The following KLHL18 variants were observed in gnomAD, a reference collection of about 807,000 sequenced individuals.
KLHL18 encodes kelch like family member 18, also known as kelch-like protein 18.
A neutral mutation model predicts 58.5 loss-of-function variants in KLHL18; 38 were observed. The observed-to-expected ratio is 0.65, with a 90% CI of 0.50 to 0.85. The LOEUF is 0.85. KLHL18 is among the 40% of genes least tolerant of loss of function. The pLI is 0.00. For synonymous variants in KLHL18, 303 were observed against 301.9 expected, an observed-to-expected ratio of 1.00 and a Z score of -0.04; for missense variants, 624 against 778.4, an observed-to-expected ratio of 0.80 and a Z score of 2.36.
At chr3:47,321,054 G>T (rs1703573345) in intron 2 of KLHL18, among the ~76,000 whole-genome samples, 1 of 152,202 alleles carries the variant, frequency 6.6e-6, no homozygotes, top group Non-Finnish European at 1.5e-5. Flanking sequence ...TAGTCCAGGG[G>T]CTTCATTTAA....
intron 2 of KLHL18, 69 bp from the exon 3 acceptor site, chr3:47,322,499 G>C (rs1395434694): frequency 1.4e-6 from 2 of 1,450,274 alleles, no homozygotes; most frequent in Admixed American, 2.4e-5. Context: ...AGTTCAGTTA[G>C]GGCCTGAGTC....
chr3:47,311,944 T>C (rs1406697421), intron 1 of KLHL18, among the ~76,000 whole-genome samples: 1 of 152,260 alleles, frequency 6.6e-6, no homozygotes, highest in Non-Finnish European at 1.5e-5. Context: ...GGAAGAATTC[T>C]GTATCCACTC....
At chr3:47,322,775 G>T in intron 3 of KLHL18, 67 bp downstream of exon 3, 1 of 1,456,410 alleles carries the variant, frequency 6.9e-7, no homozygotes, top group Non-Finnish European at 9.1e-7. Flanking sequence ...CTGCCAGTTT[G>T]CTGAGTTCTT....
At chr3:47,331,790 G>A (rs1703869444) in intron 4 of KLHL18, among the ~76,000 whole-genome samples, 3 of 151,060 alleles carry the variant, frequency 2.0e-5, no homozygotes, top group Admixed American at 6.6e-5. Flanking sequence ...GACTGCTGTT[G>A]GGAGTTTTCC....
At position 47,343,548 on chromosome 3, in the gene KLHL18, A is replaced by G. The variant is rs369808548; in HGVS notation, c.1339-7A>G. On this transcript the variant is annotated splice_polypyrimidine_tract_variant and splice_region_variant and intron_variant, in intron 9 of 9. Coordinates refer to ENST00000232766, the MANE Select transcript of KLHL18 (RefSeq NM_025010.5). The stretch of plus-strand genomic sequence containing the variant: ...GTCCTGTACCTGTGCCTCTCTCCCC[A>G]CTGCAGGTGGAACACTACAACCACC... The G allele has an allele frequency of 1.2e-4, 192 of 1,612,670 alleles. No homozygotes were observed. The highest frequency in any genetic ancestry group is 1.5e-4 in the Non-Finnish European group (174 of 1,179,976).
chr3:47,288,722 G>A (rs569137420), intron 1 of KLHL18, among the ~76,000 whole-genome samples: 5 of 152,194 alleles, frequency 3.3e-5, no homozygotes, highest in African/African-American at 1.2e-4. Context: ...ATCACATTCT[G>A]TATCTCCCAT....
chr3:47,332,069 G>A (rs1010945486), intron 4 of KLHL18, among the ~76,000 whole-genome samples: 1 of 152,144 alleles, frequency 6.6e-6, no homozygotes, highest in East Asian at 1.9e-4. Context: ...CTTAAGGAAG[G>A]CCGGGAGCAG....
chr3:47,337,048 C>A, intron 7 of KLHL18: 1 of 315,394 alleles, frequency 3.2e-6, no homozygotes, highest in Non-Finnish European at 5.9e-6. Context: ...ATGGAAGATT[C>A]GAAGAGGGAG....
chr3:47,283,067 G>A lies in KLHL18; in HGVS notation c.102G>A (p.Gln34=), dbSNP rs1702503386. 6.3e-7 allele frequency: 1 copy of A among 1,591,180 alleles called. No homozygotes were observed. The highest frequency in any genetic ancestry group is 1.3e-5 in the African/African-American group (1 of 74,682). The stretch of plus-strand genomic sequence containing the variant: ...GCGTCATGGAGGAGATCCGGCGGCA[G>A]GGCAAGCTGTGCGACGTGACCCTCA... ...GYGVMEEIRR[Q]GKLCDVTLKI... is the part of the protein sequence containing the mutation. The change falls in exon 1 of 10, where the codon CAG becomes CAA. Residue 34 remains glutamine, a synonymous_variant. Coordinates refer to ENST00000232766, the MANE Select transcript of KLHL18 (RefSeq NM_025010.5).
chr3:47,294,309 T>A (rs962721382), intron 1 of KLHL18, among the ~76,000 whole-genome samples: 3 of 152,180 alleles, frequency 2.0e-5, no homozygotes, highest in Non-Finnish European at 4.4e-5. Context: ...CAAGTACTGT[T>A]CTAGGTGCTG....
rs1396790450 is a variant in KLHL18, at chr3:47,343,782, C to T, written c.1566C>T (p.Ser522=). The part of the protein sequence containing the change: ...TRRSRVSLVA[S]CGRLYAVGGY... ...GGAGCCGGGTCTCCCTGGTGGCCAG[C>T]TGTGGGCGCCTCTACGCTGTTGGGG... The change falls in exon 10 of 10, where the codon AGC becomes AGT. Residue 522 remains serine, a synonymous_variant. Coordinates refer to ENST00000232766, the MANE Select transcript of KLHL18 (RefSeq NM_025010.5). The T allele has an allele frequency of 6.2e-7, 1 of 1,614,242 alleles. No homozygotes were observed. The highest frequency in any genetic ancestry group is 8.5e-7 in the Non-Finnish European group (1 of 1,180,044).
chr3:47,287,363 C>A (rs1383799711), intron 1 of KLHL18: 1 of 152,122 alleles, frequency 6.6e-6, no homozygotes, highest in Admixed American at 6.5e-5. Flanking sequence ...TTCTCTGTCT[C>A]GTCTGTAAAA....
intron 7 of KLHL18, among the ~76,000 whole-genome samples, chr3:47,339,490 CAAAA>C (rs535713738): frequency 4.3e-5 from 3 of 69,204 alleles, no homozygotes; most frequent in Admixed American, 3.3e-4. Context: ...GACCTCATCT[CAAAA>C]AAAAAAAAAA....
chr3:47,298,276 G>A (rs1379876250), intron 1 of KLHL18, among the ~76,000 whole-genome samples: 1 of 147,252 alleles, frequency 6.8e-6, no homozygotes. Flanking sequence ...GATCACTTAA[G>A]CCCAGGAGTT....
chr3:47,331,523 C>T (rs1703860352), intron 4 of KLHL18, among the ~76,000 whole-genome samples: 1 of 150,122 alleles, frequency 6.7e-6, no homozygotes, highest in Non-Finnish European at 1.5e-5. Flanking sequence ...GCCTCAGCCT[C>T]CCAGGTTCAA....
chr3:47,285,275 G>C (rs1422179148), intron 1 of KLHL18, among the ~76,000 whole-genome samples: 2 of 152,212 alleles, frequency 1.3e-5, no homozygotes, highest in Non-Finnish European at 2.9e-5. Flanking sequence ...AAGTAAATTA[G>C]AAGTTTTTGT....
chr3:47,311,489 A>G (rs909030831), intron 1 of KLHL18, among the ~76,000 whole-genome samples: 1 of 152,064 alleles, frequency 6.6e-6, no homozygotes, highest in Non-Finnish European at 1.5e-5. Context: ...TCAGGAGATC[A>G]AGACCATTCT....
chr3:47,299,399 A>AAATAAT (rs545951994), intron 1 of KLHL18, among the ~76,000 whole-genome samples: 193 of 152,008 alleles, frequency 1.3e-3, no homozygotes, highest in African/African-American at 4.3e-3. Flanking sequence ...TCTCATTTTA[A>AAATAAT]AATAATAATA....
rs530913833 is a variant in KLHL18 at position 47,342,608 on chromosome 3, A to G, written c.1227-111A>G. Reference sequence around the variant, plus strand: ...TCAGAGAGGTGGTGGGAGAGGTGATAAGAGATGGAGAGATGGCCAGCACAG... The same window carrying G: ...TCAGAGAGGTGGTGGGAGAGGTGATGAGAGATGGAGAGATGGCCAGCACAG... On this transcript the variant is annotated intron_variant, in intron 8 of 9. Coordinates refer to ENST00000232766, the MANE Select transcript of KLHL18 (RefSeq NM_025010.5). 2.8e-5 allele frequency: 22 copies of G among 795,400 alleles called. No homozygotes were observed. The African/African-American group carries it at 3.6e-4, about 13-fold the overall frequency. The allele number at this position is 795,400 out of a possible 1,614,324, so 49.3% of individuals were successfully genotyped here.
Sources: allele counts gnomAD v4.1 joint callset (sites outside exome capture counted in the v4.1 genomes callset), GRCh38; gene constraint gnomAD v4.1.1; transcripts MANE v1.5; gene names NCBI Gene and HGNC (gene_info 2026-07-23, HGNC 2026-07-21).